The following SUV39H2 variants were observed in gnomAD, a reference collection of about 807,000 sequenced individuals.
The protein encoded by SUV39H2 is histone-lysine N-methyltransferase SUV39H2.
In SUV39H2, 10 loss-of-function variants were observed where a neutral mutation model predicts 47.5. That is an observed-to-expected ratio of 0.21 (90% confidence interval 0.13 to 0.36). The LOEUF is 0.36. Ranked by LOEUF, SUV39H2 falls within the 10% of genes least tolerant of loss-of-function variation. The pLI is 1.00. For missense variants in SUV39H2, 266 were observed against 487.4 expected, an observed-to-expected ratio of 0.55 and a Z score of 4.28; for synonymous variants, 159 against 166.8, an observed-to-expected ratio of 0.95 and a Z score of 0.36.
intron 2 of SUV39H2, among the ~76,000 whole-genome samples, chr10:14,889,567 A>G (rs992983788): frequency 6.6e-6 from 1 of 152,192 alleles, no homozygotes. Flanking sequence ...CATCCACCTT[A>G]TCTCTAGCTC....
At chr10:14,891,446 G>A (rs1833386206) in intron 2 of SUV39H2, among the ~76,000 whole-genome samples, 1 of 152,150 alleles carries the variant, frequency 6.6e-6, no homozygotes, top group South Asian at 2.1e-4. Context: ...AGGATAACTG[G>A]TTTTGTGGAT....
At chr10:14,881,916 G>A (rs1393893947) in intron 2 of SUV39H2, among the ~76,000 whole-genome samples, 2 of 152,148 alleles carry the variant, frequency 1.3e-5, no homozygotes, top group African/African-American at 2.4e-5. Flanking sequence ...CAGAGCAAAT[G>A]TTTGATCTCC....
At chr10:14,889,149 T>C (rs953864927) in intron 2 of SUV39H2, among the ~76,000 whole-genome samples, 8 of 151,564 alleles carry the variant, frequency 5.3e-5, no homozygotes, top group African/African-American at 1.9e-4. Context: ...TAGAGTCAAG[T>C]AGTATGGACA....
chr10:14,882,526 A>G (rs1487635391), intron 2 of SUV39H2, among the ~76,000 whole-genome samples: 3 of 152,210 alleles, frequency 2.0e-5, no homozygotes, highest in Admixed American at 2.0e-4. Flanking sequence ...TTTACAAGCT[A>G]TGGACTGACC....
chr10:14,896,472 C>T (rs76344136), intron 2 of SUV39H2, among the ~76,000 whole-genome samples: 1 of 152,118 alleles, frequency 6.6e-6, no homozygotes, highest in African/African-American at 2.4e-5. Flanking sequence ...AGCCACTAAC[C>T]TAGGTCATAA....
intron 2 of SUV39H2, among the ~76,000 whole-genome samples, chr10:14,889,752 T>C (rs1460409185): frequency 6.6e-6 from 1 of 152,176 alleles, no homozygotes; most frequent in African/African-American, 2.4e-5. Context: ...GAAAAAATTC[T>C]GTGGGGGCAG....
chr10:14,902,626 A>G lies in SUV39H2; in HGVS notation c.*114A>G. On this transcript the variant is annotated 3_prime_UTR_variant, in exon 6 of 6. Coordinates refer to ENST00000354919, the MANE Select transcript of SUV39H2 (RefSeq NM_001193424.2). ...AAGGTTCTACCTATGTTAATTTACA[A>G]TTCATGTTTCAAGACATTTGCCAAA... 1 of 696,678 alleles carries G rather than the reference A, an allele frequency of 1.4e-6. No homozygotes were observed. Among genetic ancestry groups the G allele is most frequent in the South Asian group, 2.6e-5 (1 of 38,506 alleles). The allele number at this position is 696,678 out of a possible 1,614,324, so 43.2% of individuals were successfully genotyped here. A position where few individuals can be genotyped will look rare whatever the true frequency, so the allele number is the denominator to read the frequency against.
chr10:14,893,824 A>G (rs1833473103), intron 2 of SUV39H2, among the ~76,000 whole-genome samples: 1 of 152,248 alleles, frequency 6.6e-6, no homozygotes. Context: ...ATTCACTAAG[A>G]TTAAATACAA....
intron 2 of SUV39H2, among the ~76,000 whole-genome samples, chr10:14,888,886 C>T (rs528921117): frequency 1.3e-5 from 2 of 152,288 alleles, no homozygotes; most frequent in Non-Finnish European, 2.9e-5. Context: ...AGGCGGATCA[C>T]CTGAGGTCGG....
intron 1 of SUV39H2, among the ~76,000 whole-genome samples, chr10:14,879,630 C>T (rs1337369631): frequency 2.6e-5 from 4 of 151,910 alleles, no homozygotes; most frequent in Non-Finnish European, 5.9e-5. Flanking sequence ...TGGGTGTGGG[C>T]GTCGGGGGGT....
chr10:14,892,366 T>C (rs1056557500), intron 2 of SUV39H2, among the ~76,000 whole-genome samples: 17 of 152,122 alleles, frequency 1.1e-4, no homozygotes, highest in South Asian at 4.1e-4. Context: ...GTGAGTGTTA[T>C]GGTTGTTTAA....
chr10:14,898,072 T>C (rs778592495), intron 3 of SUV39H2: 9 of 150,094 alleles, frequency 6.0e-5, no homozygotes, highest in Non-Finnish European at 8.8e-5. Context: ...AATTTATTTG[T>C]ATACAAATCA....
At chr10:14,879,259 G>A in intron 1 of SUV39H2, 1 of 461,690 alleles carries the variant, frequency 2.2e-6, no homozygotes, top group Non-Finnish European at 3.1e-6. Flanking sequence ...CCCGGTTGGA[G>A]GTCCGGGGGG....
chr10:14,902,199 A>G (rs1050551079), intron 5 of SUV39H2, among the ~76,000 whole-genome samples: 3 of 152,250 alleles, frequency 2.0e-5, no homozygotes, highest in African/African-American at 7.2e-5. Flanking sequence ...ACAATTCATT[A>G]TGATTTGACG....
chr10:14,899,210 G>C (rs1352028603), intron 3 of SUV39H2: 2 of 702,028 alleles, frequency 2.8e-6, no homozygotes, highest in Admixed American at 4.0e-5. Flanking sequence ...GATCCAGCTA[G>C]TCAGGAGGCT....
intron 1 of SUV39H2, among the ~76,000 whole-genome samples, chr10:14,880,711 G>C (rs1247865736): frequency 6.6e-6 from 1 of 152,144 alleles, no homozygotes; most frequent in Non-Finnish European, 1.5e-5. Flanking sequence ...AACGCAATTA[G>C]TTTCTGGTTT....
At chr10:14,881,757 C>T (rs1240009095) in intron 2 of SUV39H2, 112 bp downstream of exon 2, 18 of 998,540 alleles carry the variant, frequency 1.8e-5, no homozygotes, top group Non-Finnish European at 2.5e-5. Flanking sequence ...GTTTAAAATT[C>T]TAAGGCATGA....
chr10:14,879,419 TAAGA>T (rs1832974393), intron 1 of SUV39H2, among the ~76,000 whole-genome samples: 1 of 152,118 alleles, frequency 6.6e-6, no homozygotes. Flanking sequence ...GCCTGTGTGC[TAAGA>T]AAGGGGATAA....
chr10:14,899,053 C>T, intron 3 of SUV39H2: 1 of 582,764 alleles, frequency 1.7e-6, no homozygotes, highest in Non-Finnish European at 3.1e-6. Flanking sequence ...ATAAATCAAC[C>T]AGTTACAGTT....
Sources: allele counts gnomAD v4.1 joint callset (sites outside exome capture counted in the v4.1 genomes callset), GRCh38; gene constraint gnomAD v4.1.1; transcripts MANE v1.5; gene names NCBI Gene and HGNC (gene_info 2026-07-23, HGNC 2026-07-21).